Variants in AMZ1 observed in about 807,000 individuals in gnomAD.
AMZ1 encodes the protein archaelysin family metallopeptidase 1.
Under a neutral mutation model 29.9 loss-of-function variants are expected in AMZ1, and 39 were observed. That is an observed-to-expected ratio of 1.30 (90% CI 1.01 to 1.70). The LOEUF is 1.70. Ranked by LOEUF, AMZ1 falls within the 40% of genes most tolerant of loss-of-function variation. The pLI is 0.00. For synonymous variants in AMZ1, 458 were observed against 304.0 expected (o/e 1.51, Z -5.27); for missense variants, 1,041 against 680.6 (o/e 1.53, Z -5.89).
chr7:2,752,603 C>T (rs1791093417), intron 4 of AMZ1, among the ~76,000 whole-genome samples: 1 of 152,192 alleles, frequency 6.6e-6, no homozygotes, highest in African/African-American at 2.4e-5. Context: ...TCAGCACATT[C>T]ACAAGATAAG....
intron 4 of AMZ1, among the ~76,000 whole-genome samples, chr7:2,746,086 C>T (rs537624615): frequency 6.6e-6 from 1 of 152,116 alleles, no homozygotes; most frequent in Non-Finnish European, 1.5e-5. Flanking sequence ...CTTTAACACC[C>T]CACTGTCAAC....
chr7:2,729,984 G>T (rs1434510074), intron 4 of AMZ1: 1 of 152,374 alleles, frequency 6.6e-6, no homozygotes, highest in East Asian at 1.9e-4. Flanking sequence ...TCTTCTGCAA[G>T]CACAGTCATA....
At chr7:2,754,521 T>C (rs989302381) in intron 4 of AMZ1, among the ~76,000 whole-genome samples, 8 of 151,208 alleles carry the variant, frequency 5.3e-5, no homozygotes, top group African/African-American at 2.0e-4. Context: ...GGCAGGAAGA[T>C]CCCTTGAGCT....
intron 2 of AMZ1, 135 bp from the exon 3 acceptor site, chr7:2,702,587 C>G (rs764572771): frequency 2.0e-6 from 2 of 1,004,718 alleles, no homozygotes; most frequent in Non-Finnish European, 2.8e-6. Context: ...CTAAGCCTGA[C>G]GCTCTGCTTG....
intron 3 of AMZ1, among the ~76,000 whole-genome samples, chr7:2,707,297 C>T (rs563193094): frequency 1.3e-5 from 2 of 151,212 alleles, no homozygotes; most frequent in African/African-American, 4.9e-5. Flanking sequence ...AACAAAAAAA[C>T]ACACACACAC....
chr7:2,751,949 G>A (rs572829244), intron 4 of AMZ1, among the ~76,000 whole-genome samples: 2 of 152,128 alleles, frequency 1.3e-5, no homozygotes, highest in Admixed American at 6.5e-5. Context: ...ACTAACGAAC[G>A]TGAACTTTTT....
chr7:2,687,698 C>G (rs1357859870), upstream of AMZ1, among the ~76,000 whole-genome samples: 1 of 68,688 alleles, frequency 1.5e-5, no homozygotes, highest in Non-Finnish European at 2.8e-5. Context: ...GTTCACCCCT[C>G]TCACCTGGGG....
rs1347484158 is a variant in AMZ1, at chr7:2,717,028, G to A, written c.*4150G>A. Among the ~76,000 whole-genome samples, 3 of 152,204 alleles carry A rather than the reference G, an allele frequency of 2.0e-5. No homozygotes were observed. The highest frequency in any genetic ancestry group is 3.9e-4 in the East Asian group (2 of 5,190). On this transcript the variant is annotated 3_prime_UTR_variant, in exon 7 of 7. Transcript: ENST00000683327. ...GAAGAGAGTAAGAAGGCGCACGGAC[G>A]CGGGAGGCCTGCACCCTGATCCCTG...
At chr7:2,683,871 TTC>T (rs1180782228), upstream of AMZ1, among the ~76,000 whole-genome samples, 1 of 151,656 alleles carries the variant, frequency 6.6e-6, no homozygotes, top group African/African-American at 2.4e-5. Context: ...CCCAGCCTCT[TTC>T]TCTCTCTTTT....
At chr7:2,736,318 T>G (rs1018522080) in intron 4 of AMZ1, among the ~76,000 whole-genome samples, 1 of 152,098 alleles carries the variant, frequency 6.6e-6, no homozygotes, top group African/African-American at 2.4e-5. Context: ...CTCTCGGGAC[T>G]CTCCTTGGTG....
intron 4 of AMZ1, among the ~76,000 whole-genome samples, chr7:2,755,636 C>G (rs116293200): frequency 0.012 from 1,827 of 152,260 alleles, 49 homozygotes; most frequent in African/African-American, 0.042. Context: ...TAGTCTATGA[C>G]TTTTCTGGTA....
rs41305918 is a variant in AMZ1, at chr7:2,731,795, G to C, written n.550+21979G>C. 4.9e-6 allele frequency: 5 copies of C among 1,013,358 alleles called. No homozygotes were observed. The Admixed American group carries it at 7.8e-5, about 16-fold the overall frequency. 62.8% of individuals were successfully genotyped at this position (1,013,358 alleles called of 1,614,324 possible). A position where few individuals can be genotyped will look rare whatever the true frequency, so the allele number is the denominator to read the frequency against. On this transcript the variant is annotated intron_variant and non_coding_transcript_variant, in intron 4 of 4. Coordinates refer to the AMZ1 transcript ENST00000489665. This position sits in a 1 kb window ranked among gnomAD's most constrained non-coding sequence, Gnocchi z 6.0. ...GCAGAAATTTAGGGGGAGGAAGAAA[G>C]AACAGAGAAAATAGAAACAAAAAGA...
Position 2,712,701 on chromosome 7 carries a change from G to A in AMZ1, c.1320G>A (p.Trp440Ter). ...VDRAVDALDRWEMFTGQLPAT... is the reference protein window; with the variant it reads ...VDRAVDALDR Reference sequence around the variant, plus strand: ...GAGCCGTGGACGCCCTCGACCGCTGGGAGATGTTCACGGGCCAGCTCCCGG... The same window carrying A: ...GAGCCGTGGACGCCCTCGACCGCTGAGAGATGTTCACGGGCCAGCTCCCGG... Residue 440 changes from tryptophan (W) to a stop codon, truncating the protein, a stop_gained, in exon 7 of 7, where the codon TGG becomes TGA. Coordinates refer to ENST00000683327, the MANE Select transcript of AMZ1 (RefSeq NM_001384743.1). LOFTEE classifies it low-confidence loss of function (END_TRUNC). The A allele has an allele frequency of 6.2e-7, 1 of 1,611,802 alleles. No homozygotes were observed. The highest frequency in any genetic ancestry group is 8.5e-7 in the Non-Finnish European group (1 of 1,179,310).
downstream of AMZ1, among the ~76,000 whole-genome samples, chr7:2,721,747 TG>T (rs1396140392): frequency 1.4e-4 from 20 of 145,722 alleles, no homozygotes; most frequent in African/African-American, 2.5e-5. Context: ...GGCGGGTGGG[TG>T]CCACACTCAG....
rs1200670917 is a variant in AMZ1 at position 2,709,361 on chromosome 7, T to C, written c.771+117T>C. The C allele has an allele frequency of 5.1e-6, 6 of 1,168,032 alleles. No homozygotes were observed. In the South Asian group the frequency reaches 8.7e-5, roughly 17 times the overall value. 72.4% of individuals were successfully genotyped at this position (1,168,032 alleles called of 1,614,324 possible). A position where few individuals can be genotyped will look rare whatever the true frequency, so the allele number is the denominator to read the frequency against. On this transcript the variant is annotated intron_variant, in intron 5 of 6. Transcript: ENST00000683327. ...AGTGAAGTGGATGGACCCCTAACTC[T>C]ATGGAATGAGGAAAGCAAGGCTACA...
At chr7:2,680,001 C>T (rs112452106) in intron 1 of AMZ1, among the ~76,000 whole-genome samples, 44 of 152,244 alleles carry the variant, frequency 2.9e-4, no homozygotes, top group Middle Eastern at 6.8e-3. Flanking sequence ...AGCTGAGGGA[C>T]GCAGCTCACA....
intron 4 of AMZ1, among the ~76,000 whole-genome samples, chr7:2,757,892 C>G (rs1024347322): frequency 6.6e-6 from 1 of 152,144 alleles, no homozygotes; most frequent in Non-Finnish European, 1.5e-5. Context: ...CCTTTAATAG[C>G]TTAGTGGTTC....
At chr7:2,755,190 C>G (rs1791236267) in intron 4 of AMZ1, among the ~76,000 whole-genome samples, 1 of 152,164 alleles carries the variant, frequency 6.6e-6, no homozygotes, top group Non-Finnish European at 1.5e-5. Context: ...GCCTTGGAAT[C>G]AGGGAGAGTG....
chr7:2,752,520 G>C (rs1418284430), intron 4 of AMZ1, among the ~76,000 whole-genome samples: 2 of 152,188 alleles, frequency 1.3e-5, no homozygotes, highest in African/African-American at 4.8e-5. Flanking sequence ...ACAATCTGCA[G>C]ATCGCCTAAC....
Sources: allele counts gnomAD v4.1 joint callset (sites outside exome capture counted in the v4.1 genomes callset), GRCh38; gene constraint gnomAD v4.1.1; non-coding constraint Gnocchi (gnomAD v3.1); transcripts MANE v1.5; gene names NCBI Gene and HGNC (gene_info 2026-07-23, HGNC 2026-07-21).